The following IQCH variants were observed in gnomAD, a reference collection of about 807,000 sequenced individuals.
IQCH encodes the protein IQ motif containing H.
A neutral mutation model predicts 117.0 loss-of-function variants in IQCH; 98 were observed. The ratio of observed to expected loss-of-function variants is 0.84; its 90% CI spans 0.71 to 0.99. IQCH has a LOEUF of 0.99. Among genes scored for constraint, IQCH ranks in the 50% least tolerant of loss-of-function variants. IQCH has a pLI of 0.00. For synonymous variants in IQCH, 412 were observed against 448.2 expected, an observed-to-expected ratio of 0.92 and a Z score of 1.02; for missense variants, 1,102 against 1,243.8, an observed-to-expected ratio of 0.89 and a Z score of 1.72.
At chr15:67,318,971 A>G (rs1967981464) in intron 4 of IQCH, among the ~76,000 whole-genome samples, 1 of 152,250 alleles carries the variant, frequency 6.6e-6, no homozygotes, top group Non-Finnish European at 1.5e-5. Context: ...TCACGCCTGT[A>G]ATCCCAGCAC....
intron 16 of IQCH, among the ~76,000 whole-genome samples, chr15:67,460,927 A>T (rs1039877673): frequency 6.6e-6 from 1 of 152,212 alleles, no homozygotes; most frequent in Non-Finnish European, 1.5e-5. Flanking sequence ...GTCATGTCAA[A>T]GCCACCACAT....
intron 3 of IQCH, among the ~76,000 whole-genome samples, chr15:67,272,851 G>A (rs1965958920): frequency 6.6e-6 from 1 of 152,000 alleles, no homozygotes; most frequent in African/African-American, 2.4e-5. Flanking sequence ...GTTGGGTCTT[G>A]TTTCTTTTAT....
At chr15:67,273,325 C>T (rs751897180) in intron 3 of IQCH, among the ~76,000 whole-genome samples, 2 of 152,164 alleles carry the variant, frequency 1.3e-5, no homozygotes, top group Non-Finnish European at 1.5e-5. Context: ...CTGCCTCAGC[C>T]TCCCAAAGTG....
chr15:67,392,785 C>CAAAAAA (rs33923178), intron 12 of IQCH, among the ~76,000 whole-genome samples: 1 of 113,446 alleles, frequency 8.8e-6, no homozygotes, highest in African/African-American at 3.5e-5. Context: ...CCTGCTTCCA[C>CAAAAAA]AAAAAAAAAA....
Position 67,416,938 on chromosome 15 carries a change from CT to C in IQCH, c.2108del (p.Leu703TrpfsTer2). 2.5e-6 allele frequency: 4 copies of C among 1,594,636 alleles called. No homozygotes were observed. Among genetic ancestry groups the C allele is most frequent in the Non-Finnish European group, 3.4e-6 (4 of 1,171,468 alleles). ...TTTAATTTGTTTCTGCAGGAGCCAG[CT>C]TTGGTGAAGATCTCTGAGGAGCTGG... is the stretch of plus-strand genomic sequence containing the variant. ...DWRKKWAQEP[A>X]LVKISEELAG... On this transcript the variant is annotated frameshift_variant, in exon 15 of 21. Transcript: ENST00000335894. LOFTEE classifies it high-confidence loss of function. The surrounding 1 kb of genome is among the most constrained non-coding windows in gnomAD (Gnocchi z 5.1).
At chr15:67,266,606 G>A (rs1394285415) in intron 3 of IQCH, among the ~76,000 whole-genome samples, 2 of 152,142 alleles carry the variant, frequency 1.3e-5, no homozygotes, top group Non-Finnish European at 2.9e-5. Context: ...GCAGTGAGCC[G>A]AGATTGTGCC....
intron 18 of IQCH, among the ~76,000 whole-genome samples, chr15:67,484,203 C>T (rs924380179): frequency 7.9e-5 from 12 of 151,906 alleles, no homozygotes; most frequent in Non-Finnish European, 7.4e-5. Context: ...CCCAGGAGTT[C>T]GAGACCAGCC....
chr15:67,421,296 G>A lies in IQCH; in HGVS notation c.2224G>A (p.Val742Met), dbSNP rs151170401. The stretch of plus-strand genomic sequence containing the variant: ...CTCCATGTTTTTCCCACCAGGGGGT[G>A]TGATCGAAGCATTCCCACCTGCAGA... ...FLQTFLSQGG[V>M]IEAFPPADNV... Residue 742 changes from valine to methionine, a missense_variant, in exon 16 of 21, where the codon GTG becomes ATG. Transcript: ENST00000335894. 198 of 1,613,172 alleles carry A rather than the reference G, an allele frequency of 1.2e-4. 1 individual carries two copies. Among genetic ancestry groups the A allele is most frequent in the Admixed American group, 4.8e-4 (29 of 59,962 alleles).
At chr15:67,255,380 G>GT (rs1158853746) in intron 1 of IQCH, 1 of 164,074 alleles carries the variant, frequency 6.1e-6, no homozygotes, top group Non-Finnish European at 1.3e-5. Context: ...AAACACCCCA[G>GT]TTTTTTAGAT....
intron 4 of IQCH, among the ~76,000 whole-genome samples, chr15:67,296,211 T>C (rs146209838): frequency 1.3e-5 from 2 of 152,164 alleles, no homozygotes; most frequent in African/African-American, 2.4e-5. Context: ...GAAAGAGAGA[T>C]AGAGGTTGGA....
rs1002781678 is a variant in IQCH at position 67,475,872 on chromosome 15, C to G, written c.2799+54C>G. On this transcript the variant is annotated intron_variant, in intron 18 of 20. Coordinates refer to ENST00000335894, the MANE Select transcript of IQCH (RefSeq NM_001031715.3). The surrounding 1 kb of genome is among the most constrained non-coding windows in gnomAD (Gnocchi z 5.7). The stretch of plus-strand genomic sequence containing the variant: ...GGCCAAAGACATGCCTGTGGGTGAT[C>G]TAGGTAGCTAATAATTTGGTGCCCC... The G allele has an allele frequency of 1.3e-6, 2 of 1,499,892 alleles. No homozygotes were observed. Among genetic ancestry groups the G allele is most frequent in the Non-Finnish European group, 9.2e-7 (1 of 1,083,760 alleles). The allele number at this position is 1,499,892 out of a possible 1,614,324, so 92.9% of individuals were successfully genotyped here.
chr15:67,321,515 T>TTCTTTCTTTTTTCTTTCTTTCTTTC (rs1968130521), intron 4 of IQCH, among the ~76,000 whole-genome samples: 1 of 142,676 alleles, frequency 7.0e-6, no homozygotes, highest in African/African-American at 3.0e-5. Flanking sequence ...TTCTTTCTTT[T>TTCTTTCTTTTTTCTTTCTTTCTTTC]TCTTTCTTTC....
chr15:67,360,893 C>T (rs1003677652), intron 8 of IQCH, among the ~76,000 whole-genome samples: 15 of 152,358 alleles, frequency 9.8e-5, no homozygotes, highest in South Asian at 8.3e-4. Flanking sequence ...CTTCCTCTTA[C>T]GTCCCTTGAC....
rs2083197024 is a variant in IQCH, at chr15:67,476,158, A to G, written c.2799+340A>G. On this transcript the variant is annotated intron_variant, in intron 18 of 20. Transcript: ENST00000335894. This position sits in a 1 kb window ranked among gnomAD's most constrained non-coding sequence, Gnocchi z 4.1. Reference sequence around the variant, plus strand: ...TGATCCCACCCAAAGCTGCTTATCAATGAATAGCTTCTGTCTTAGTCTGCT... The same window carrying G: ...TGATCCCACCCAAAGCTGCTTATCAGTGAATAGCTTCTGTCTTAGTCTGCT... Among the ~76,000 whole-genome samples the G allele has an allele frequency of 6.6e-6, 1 of 152,218 alleles. No homozygotes were observed. The highest frequency in any genetic ancestry group is 1.5e-5 in the Non-Finnish European group (1 of 68,036).
At chr15:67,291,398 T>A (rs1966746383) in intron 4 of IQCH, among the ~76,000 whole-genome samples, 1 of 152,122 alleles carries the variant, frequency 6.6e-6, no homozygotes, top group African/African-American at 2.4e-5. Flanking sequence ...TTGAAGGGAC[T>A]TCAACAGTCA....
intron 4 of IQCH, among the ~76,000 whole-genome samples, chr15:67,287,743 C>G (rs12591763): frequency 0.45 from 68,879 of 151,722 alleles, 16,162 homozygotes; most frequent in Non-Finnish European, 0.52. Flanking sequence ...TCATTTATTT[C>G]TGCTCTGATC....
In IQCH at chr15:67,405,380, G is replaced by T; in HGVS notation, c.2097+5075G>T. 6.8e-6 allele frequency: 1 copy of T among 147,308 alleles called. No homozygotes were observed. Among genetic ancestry groups the T allele is most frequent in the Non-Finnish European group, 1.5e-5 (1 of 67,610 alleles). The allele number at this position is 147,308 out of a possible 1,614,324, so 9.1% of individuals were successfully genotyped here. ...ACTGTTAAGGTGTTGACATTTCCTTGTATTTCTTTGTCATCATCATCATCA... is the reference window on the plus strand; with the variant it reads ...ACTGTTAAGGTGTTGACATTTCCTTTTATTTCTTTGTCATCATCATCATCA... On this transcript the variant is annotated intron_variant, in intron 14 of 20. Coordinates refer to ENST00000335894, the MANE Select transcript of IQCH (RefSeq NM_001031715.3). The surrounding 1 kb of genome is among the most constrained non-coding windows in gnomAD (Gnocchi z 4.8).
chr15:67,417,540 G>A lies in IQCH; in HGVS notation c.2218+489G>A, dbSNP rs78910246. Reference sequence around the variant, plus strand: ...TTTCTAGGAGAGCAAAAATGGTCTCGCTTCCAGTTCTGAATATAGCATTTC... The same window carrying A: ...TTTCTAGGAGAGCAAAAATGGTCTCACTTCCAGTTCTGAATATAGCATTTC... On this transcript the variant is annotated intron_variant, in intron 15 of 20. Transcript: ENST00000335894. This position sits in a 1 kb window ranked among gnomAD's most constrained non-coding sequence, Gnocchi z 4.3. Among the ~76,000 whole-genome samples, 4,081 of 152,236 alleles carry A rather than the reference G, an allele frequency of 0.027. 66 individuals are homozygous for A. Among genetic ancestry groups the A allele is most frequent in the Non-Finnish European group, 0.038 (2,591 of 68,008 alleles).
At chr15:67,275,230 T>C (rs2414945) in intron 3 of IQCH, among the ~76,000 whole-genome samples, 45,152 of 152,040 alleles carry the variant, frequency 0.3, 6,906 homozygotes, top group South Asian at 0.37. Flanking sequence ...ATAGGGAAGC[T>C]GGTTGTCAAC....
Sources: gnomAD v4.1 joint callset for allele counts (sites outside exome capture counted in the v4.1 genomes callset) on GRCh38, gnomAD v4.1.1 for gene constraint, Gnocchi (gnomAD v3.1) non-coding constraint, MANE v1.5 for transcripts, NCBI Gene and HGNC (gene_info 2026-07-23, HGNC 2026-07-21) for gene names.